The following PHGDH variants were observed in gnomAD, a reference collection of about 807,000 sequenced individuals.
PHGDH encodes the protein D-3-phosphoglycerate dehydrogenase.
Under a neutral mutation model 52.6 loss-of-function variants are expected in PHGDH, and 50 were observed. That is an observed-to-expected ratio of 0.95 (90% CI 0.76 to 1.20). PHGDH has a LOEUF of 1.20. Ranked by LOEUF, PHGDH falls within the 50% of genes most tolerant of loss-of-function variation. The probability of loss-of-function intolerance (pLI) is 0.00; values close to 1 mark genes in which losing one functional copy is unlikely to be tolerated. For missense variants in PHGDH, 630 were observed against 684.6 expected, an observed-to-expected ratio of 0.92 and a Z score of 0.89; for synonymous variants, 271 against 280.5, an observed-to-expected ratio of 0.97 and a Z score of 0.34.
intron 2 of PHGDH, 37 bp from the exon 3 acceptor site, chr1:119,723,339 T>G (rs1347749294): frequency 6.6e-7 from 1 of 1,514,418 alleles, no homozygotes; most frequent in Non-Finnish European, 9.2e-7. Context: ...ATACTGGGTC[T>G]GTGCCCATTG....
Position 119,737,251 on chromosome 1 carries a change from A to C in PHGDH, c.930A>C (p.Lys310Asn). 3.7e-6 allele frequency: 6 copies of C among 1,613,864 alleles called. No homozygotes were observed. In the South Asian group the frequency reaches 6.6e-5, roughly 18 times the overall value. Residue 310 changes from lysine (K) to asparagine (N), a missense_variant, in exon 8 of 12, where the codon AAA becomes AAC. By Grantham distance (94) the Lys-to-Asn change is moderately conservative. Transcript: ENST00000641023. ...AVQFVDMVKGKSLTGVVNAQA... is the reference protein window; with the variant it reads ...AVQFVDMVKGNSLTGVVNAQA... ...AGTTCGTGGACATGGTGAAGGGGAA[A>C]TCTCTCACGGGGGTTGTAAGTATCA...
intron 1 of PHGDH, among the ~76,000 whole-genome samples, chr1:119,718,779 T>C (rs1459010448): frequency 6.6e-6 from 1 of 152,164 alleles, no homozygotes; most frequent in African/African-American, 2.4e-5. Context: ...GTACTATGGA[T>C]ATATGGTATA....
intron 1 of PHGDH, chr1:119,714,295 A>G (rs966831130): frequency 5.3e-5 from 8 of 152,128 alleles, no homozygotes; most frequent in Non-Finnish European, 8.8e-5. Context: ...CTTGGTTCCC[A>G]CTGCCTTGTA....
intron 10 of PHGDH, 30 bp downstream of exon 10, chr1:119,741,927 C>T (rs1294196860): frequency 1.3e-6 from 2 of 1,589,760 alleles, no homozygotes; most frequent in Non-Finnish European, 1.7e-6. Flanking sequence ...GCTGCCTCCC[C>T]ATCCCTGTCA....
Position 119,740,457 on chromosome 1 carries a change from G to T in PHGDH, c.1017G>T (p.Leu339=). ...CTTGGATTGGTCTGGCAGAAGCTCT[G>T]GGGACACTGATGCGAGCCTGGGCTG... ...TKPWIGLAEA[L]GTLMRAWAGS... The change falls in exon 9 of 12, where the codon CTG becomes CTT. Residue 339 remains leucine (L), a synonymous_variant. Transcript: ENST00000641023. 1 of 1,611,686 alleles carries T rather than the reference G, an allele frequency of 6.2e-7. No individual in the cohort carries two copies. The highest frequency in any genetic ancestry group is 8.5e-7 in the Non-Finnish European group (1 of 1,178,904).
rs998708859 is a variant in PHGDH at position 119,725,132 on chromosome 1, A to C, written c.356+1691A>C. On this transcript the variant is annotated intron_variant, in intron 3 of 11. Transcript: ENST00000641023. Reference sequence around the variant, plus strand: ...GAGAGAATCAACAAATGTAGGTTTCACCATTTTTGCCTGCTTTACCATCTC... The same window carrying C: ...GAGAGAATCAACAAATGTAGGTTTCCCCATTTTTGCCTGCTTTACCATCTC... Among the ~76,000 whole-genome samples the C allele has an allele frequency of 4.0e-4, 61 of 152,142 alleles. 1 individual carries two copies. Among genetic ancestry groups the C allele is most frequent in the Non-Finnish European group, 7.9e-4 (54 of 68,024 alleles).
chr1:119,728,117 A>C (rs890536019), intron 5 of PHGDH, among the ~76,000 whole-genome samples: 20 of 152,166 alleles, frequency 1.3e-4, no homozygotes, highest in Admixed American at 1.3e-3. Context: ...CAAAGTGCAC[A>C]GGCTGTCTAG....
At chr1:119,729,195 G>A (rs1258171082) in intron 5 of PHGDH, among the ~76,000 whole-genome samples, 4 of 152,186 alleles carry the variant, frequency 2.6e-5, no homozygotes, top group Non-Finnish European at 5.9e-5. Flanking sequence ...TAGCCCAGCA[G>A]GATCATTGAT....
intron 3 of PHGDH, 190 bp from the exon 4 acceptor site, chr1:119,726,661 A>T (rs1368673890): frequency 1.6e-6 from 1 of 643,612 alleles, no homozygotes. Flanking sequence ...TCTAAGTCAG[A>T]TCTTGCCAAG....
intron 3 of PHGDH, 40 bp downstream of exon 3, chr1:119,723,481 A>T: frequency 6.8e-7 from 1 of 1,463,396 alleles, no homozygotes; most frequent in Non-Finnish European, 9.6e-7. Context: ...TCTCTCCGAT[A>T]TGCCAATTAT....
In PHGDH at chr1:119,733,982, G is replaced by T. The variant is rs587773994; in HGVS notation, c.511-652G>T. Reference sequence around the variant, plus strand: ...TGACCTGTACCTTTCCACACAGTGGGCAGTGACTGGGGGAGGACACAGGTC... The same window carrying T: ...TGACCTGTACCTTTCCACACAGTGGTCAGTGACTGGGGGAGGACACAGGTC... On this transcript the variant is annotated intron_variant, in intron 5 of 11. Coordinates refer to ENST00000641023, the MANE Select transcript of PHGDH (RefSeq NM_006623.4). Among the ~76,000 whole-genome samples the T allele has an allele frequency of 6.6e-5, 10 of 152,286 alleles. 1 individual carries two copies. In the South Asian group the frequency reaches 2.1e-3, roughly 32 times the overall value.
rs1408347822 is a variant in PHGDH at position 119,744,043 on chromosome 1, T to C, written c.*3T>C. 1.1e-5 allele frequency: 17 copies of C among 1,613,792 alleles called. No individual in the cohort carries two copies. Among genetic ancestry groups the C allele is most frequent in the Non-Finnish European group, 1.2e-5 (14 of 1,179,810 alleles). ...AAGCCTTCCAGTTCCACTTCTAACC[T>C]TGGAGCTCACTGGTCCCTGCCTCTG... On this transcript the variant is annotated 3_prime_UTR_variant, in exon 12 of 12. Coordinates refer to ENST00000641023, the MANE Select transcript of PHGDH (RefSeq NM_006623.4).
Position 119,742,219 on chromosome 1 carries a change from C to G in PHGDH, c.1209+322C>G, listed in dbSNP as rs200310788. The stretch of plus-strand genomic sequence containing the variant: ...GCTGCCAGGCCATGTTTGACTCTGC[C>G]TAACTCCCCTCAGGGCTCCTCATGC... On this transcript the variant is annotated intron_variant, in intron 10 of 11. Coordinates refer to ENST00000641023, the MANE Select transcript of PHGDH (RefSeq NM_006623.4). 46 of 421,892 alleles carry G rather than the reference C, an allele frequency of 1.1e-4. No individual in the cohort carries two copies. The East Asian group carries it at 2.4e-3, about 22-fold the overall frequency. The allele number at this position is 421,892 out of a possible 1,614,324, so 26.1% of individuals were successfully genotyped here.
intron 3 of PHGDH, among the ~76,000 whole-genome samples, chr1:119,725,355 G>C (rs191482952): frequency 8.3e-4 from 127 of 152,334 alleles, no homozygotes; most frequent in African/African-American, 2.9e-3. Flanking sequence ...ATACATCTTA[G>C]ATAGCACTGT....
rs771651805 is a variant in PHGDH, at chr1:119,735,338, G to A, written c.687G>A (p.Val229=). 6.2e-7 allele frequency: 1 copy of A among 1,614,210 alleles called. No homozygotes were observed. The change falls in exon 7 of 12, where the codon GTG becomes GTA. Residue 229 remains valine (V), a synonymous_variant. Transcript: ENST00000641023. ...CCTTTGCCCAGTGCAAGAAGGGGGT[G>A]CGTGTGGTGAACTGTGCCCGTGGAG... ...DNTFAQCKKG[V]RVVNCARGGI...
At chr1:119,725,527 A>G (rs1310983418) in intron 3 of PHGDH, among the ~76,000 whole-genome samples, 1 of 152,192 alleles carries the variant, frequency 6.6e-6, no homozygotes, top group East Asian at 1.9e-4. Flanking sequence ...GATGGGTCAG[A>G]GCAGTGAGGT....
At chr1:119,714,673 A>G (rs1353061378) in intron 1 of PHGDH, among the ~76,000 whole-genome samples, 1 of 152,242 alleles carries the variant, frequency 6.6e-6, no homozygotes, top group African/African-American at 2.4e-5. Context: ...GGTTGAGACC[A>G]GACTGGGCAA....
chr1:119,735,218 G>C, intron 6 of PHGDH, 77 bp from the exon 7 acceptor site: 1 of 1,590,378 alleles, frequency 6.3e-7, no homozygotes, highest in Non-Finnish European at 8.6e-7. Context: ...CAAGGAAAGG[G>C]AAGACCTCTG....
chr1:119,727,221 C>T, intron 5 of PHGDH, 119 bp downstream of exon 5: 1 of 723,358 alleles, frequency 1.4e-6, no homozygotes, highest in Admixed American at 2.0e-5. Context: ...CTCTTGGAGC[C>T]CCCATCTAAA....
Sources: gnomAD v4.1 joint callset for allele counts (sites outside exome capture counted in the v4.1 genomes callset) on GRCh38, gnomAD v4.1.1 for gene constraint, MANE v1.5 for transcripts, NCBI Gene and HGNC (gene_info 2026-07-23, HGNC 2026-07-21) for gene names.